ENG: variants seen among roughly 807,000 people sequenced by gnomAD.
ENG encodes the protein endoglin.
A neutral mutation model predicts 71.0 loss-of-function variants in ENG; 17 were observed. The observed-to-expected ratio is 0.24, with a 90% CI of 0.16 to 0.36. ENG has a LOEUF of 0.36. ENG is among the 10% of genes least tolerant of loss of function. The pLI, the probability that ENG is intolerant of heterozygous loss-of-function variation, is 1.00. For synonymous variants in ENG, 360 were observed against 366.9 expected (o/e 0.98, Z 0.21); for missense variants, 749 against 868.3 (o/e 0.86, Z 1.73).
intron 7 of ENG, 125 bp from the exon 8 acceptor site, chr9:127,824,571 TGCAGTG>T: frequency 8.1e-7 from 1 of 1,232,724 alleles, no homozygotes; most frequent in South Asian, 1.6e-5. Context: ...CGGGCTGGAG[TGCAGTG>T]GCACGATCTT....
rs1273740782 is a variant in ENG at position 127,819,892 on chromosome 9, G to T, written c.1272+8C>A. On this transcript the variant is annotated splice_region_variant and intron_variant, in intron 9 of 14. Coordinates refer to ENST00000373203, the MANE Select transcript of ENG (RefSeq NM_001114753.3). ...TGGTCCTGATACCTTTTTGGCCCCA[G>T]CTCTTACCTCATTGCTGATCATACT... 6.2e-7 allele frequency: 1 copy of T among 1,614,190 alleles called. No homozygotes were observed. Among genetic ancestry groups the T allele is most frequent in the Non-Finnish European group, 8.5e-7 (1 of 1,180,040 alleles).
chr9:127,831,392 CTTTTT>C (rs889808665), intron 2 of ENG, among the ~76,000 whole-genome samples: 1 of 123,396 alleles, frequency 8.1e-6, no homozygotes, highest in Non-Finnish European at 1.7e-5. Flanking sequence ...TTTTTTTTTT[CTTTTT>C]TTTTCTTTGA....
Position 127,836,406 on chromosome 9 carries a change from A to G in ENG, c.220-6579T>C, listed in dbSNP as rs1830903860. The stretch of plus-strand genomic sequence containing the variant: ...GCAGGAAGGGGGGATTTCGGTGAGG[A>G]GGCCCTGAGTGCTAGTAGCCACTTA... On this transcript the variant is annotated intron_variant, in intron 2 of 14. Coordinates refer to ENST00000373203, the MANE Select transcript of ENG (RefSeq NM_001114753.3). The surrounding 1 kb of genome is among the most constrained non-coding windows in gnomAD (Gnocchi z 4.0). Among the ~76,000 whole-genome samples, 1 of 152,224 alleles carries G rather than the reference A, an allele frequency of 6.6e-6. No homozygotes were observed. The highest frequency in any genetic ancestry group is 2.4e-5 in the African/African-American group (1 of 41,468).
intron 1 of ENG, among the ~76,000 whole-genome samples, chr9:127,849,966 T>G (rs1323155824): frequency 6.6e-6 from 1 of 152,248 alleles, no homozygotes; most frequent in Non-Finnish European, 1.5e-5. Flanking sequence ...TAGAGCAGCG[T>G]CTAGCATACT....
At chr9:127,844,251 G>T (rs563744017) in intron 1 of ENG, among the ~76,000 whole-genome samples, 2 of 150,584 alleles carry the variant, frequency 1.3e-5, no homozygotes, top group Non-Finnish European at 3.0e-5. Context: ...TCAGCCTCCC[G>T]AGCAGCTAGG....
chr9:127,843,334 A>G lies in ENG; in HGVS notation c.68-89T>C, dbSNP rs1171964729. On this transcript the variant is annotated intron_variant, in intron 1 of 14. Coordinates refer to ENST00000373203, the MANE Select transcript of ENG (RefSeq NM_001114753.3). ...TCCAAACGTCTCCTAGGGACTTGACATGAGCTAACGGCTTTCCTGCATCAT... is the reference window on the plus strand; with the variant it reads ...TCCAAACGTCTCCTAGGGACTTGACGTGAGCTAACGGCTTTCCTGCATCAT... The G allele has an allele frequency of 2.6e-6, 4 of 1,562,854 alleles. No homozygotes were observed. In the African/African-American group the frequency reaches 4.1e-5, roughly 16 times the overall value.
intron 2 of ENG, among the ~76,000 whole-genome samples, chr9:127,841,655 G>A (rs76072684): frequency 0.01 from 1,527 of 152,296 alleles, 17 homozygotes; most frequent in South Asian, 0.024. Context: ...CTGCACAAAC[G>A]CAAGGCAACT....
intron 2 of ENG, among the ~76,000 whole-genome samples, chr9:127,837,956 T>C (rs921031875): frequency 6.6e-6 from 1 of 152,162 alleles, no homozygotes; most frequent in Non-Finnish European, 1.5e-5. Flanking sequence ...CTCTAATATT[T>C]GCAAGGCCTG....
chr9:127,830,362 G>T (rs903609170), intron 2 of ENG, among the ~76,000 whole-genome samples: 2 of 146,092 alleles, frequency 1.4e-5, no homozygotes, highest in African/African-American at 5.1e-5. Flanking sequence ...AAAAAAAAAG[G>T]CCGGGCATGG....
At chr9:127,815,882 G>A (rs1375097360) in intron 14 of ENG, 61 bp downstream of exon 14, 1 of 1,564,154 alleles carries the variant, frequency 6.4e-7, no homozygotes, top group African/African-American at 1.3e-5. Flanking sequence ...AGGCTTCACT[G>A]GGCTCCCCCG....
rs1830895823 is a variant in ENG at position 127,836,097 on chromosome 9, G to A, written c.220-6270C>T. Among the ~76,000 whole-genome samples, 1 of 152,166 alleles carries A rather than the reference G, an allele frequency of 6.6e-6. No homozygotes were observed. Among genetic ancestry groups the A allele is most frequent in the African/African-American group, 2.4e-5 (1 of 41,436 alleles). On this transcript the variant is annotated intron_variant, in intron 2 of 14. Transcript: ENST00000373203. This position sits in a 1 kb window ranked among gnomAD's most constrained non-coding sequence, Gnocchi z 4.0. The stretch of plus-strand genomic sequence containing the variant: ...TACAGCAAACATTTCCCTCCCCACG[G>A]CCCTGACTCACCGCCACGGCCACTC...
intron 1 of ENG, among the ~76,000 whole-genome samples, 171 bp from the exon 2 acceptor site, chr9:127,843,416 C>A (rs956526158): frequency 2.0e-5 from 3 of 151,774 alleles, no homozygotes; most frequent in African/African-American, 7.3e-5. Flanking sequence ...TAAAAAAAAC[C>A]AAGGCTAGGA....
intron 2 of ENG, among the ~76,000 whole-genome samples, chr9:127,830,628 C>T (rs1165283549): frequency 6.8e-6 from 1 of 148,018 alleles, no homozygotes; most frequent in Non-Finnish European, 1.5e-5. Flanking sequence ...GCCTGGGCAA[C>T]AAGAATGACG....
chr9:127,820,539 T>C (rs1388676754), intron 8 of ENG, among the ~76,000 whole-genome samples: 1 of 151,114 alleles, frequency 6.6e-6, no homozygotes, highest in Non-Finnish European at 1.5e-5. Context: ...ATTAAAAATA[T>C]TCCTTCAGGC....
intron 8 of ENG, 110 bp from the exon 9 acceptor site, chr9:127,820,147 C>A: frequency 7.0e-7 from 1 of 1,419,916 alleles, no homozygotes; most frequent in South Asian, 1.4e-5. Flanking sequence ...CACAGCCATT[C>A]CCCTGCCCTG....
In ENG at chr9:127,825,416, G is replaced by T. The variant is rs369047677; in HGVS notation, c.690-59C>A. 6.1e-5 allele frequency: 97 copies of T among 1,600,618 alleles called. No homozygotes were observed. In the East Asian group the frequency reaches 1.0e-3, roughly 17 times the overall value. On this transcript the variant is annotated intron_variant, in intron 5 of 14. Transcript: ENST00000373203. ...GCGGACAGGCCAGGCGGGGAGCGAG[G>T]CCTGGCGTCGGGTGGGCGGCGGCTG... is the stretch of plus-strand genomic sequence containing the variant.
At chr9:127,818,976 C>T (rs1406308895) in intron 10 of ENG, 144 bp from the exon 11 acceptor site, 44 of 723,242 alleles carry the variant, frequency 6.1e-5, no homozygotes, top group South Asian at 4.8e-4. Context: ...CTCGCTCTGT[C>T]GCCCAGGCTG....
rs780987528 is a variant in ENG at position 127,825,795 on chromosome 9, G to A, written c.589C>T (p.Arg197Trp). The part of the protein sequence containing the change: ...SQDMGRTLEW[R>W]PRTPALVRGC... ...CGGACCAAGGCTGGAGTACGCGGCC[G>A]CCACTCGAGCGTGCGGCCCATGTCC... Residue 197 changes from arginine to tryptophan, a missense_variant, in exon 5 of 15, where the codon CGG (arginine) becomes TGG (tryptophan). Arg to Trp is a moderately radical substitution (Grantham distance 101). Transcript: ENST00000373203. The A allele has an allele frequency of 4.4e-5, 70 of 1,595,308 alleles. No homozygotes were observed. Among genetic ancestry groups the A allele is most frequent in the Non-Finnish European group, 4.7e-5 (55 of 1,172,164 alleles).
intron 2 of ENG, 110 bp from the exon 3 acceptor site, chr9:127,829,937 C>A: frequency 6.8e-7 from 1 of 1,477,550 alleles, no homozygotes. Flanking sequence ...TCCCTGCCTG[C>A]TCTGTCCACC....
Sources: gnomAD v4.1 joint callset for allele counts (sites outside exome capture counted in the v4.1 genomes callset) on GRCh38, gnomAD v4.1.1 for gene constraint, Gnocchi (gnomAD v3.1) non-coding constraint, MANE v1.5 for transcripts, NCBI Gene and HGNC (gene_info 2026-07-23, HGNC 2026-07-21) for gene names.